The following RNF126 variants were observed in gnomAD, a reference collection of about 807,000 sequenced individuals.
RNF126 encodes ring finger protein 126.
A neutral mutation model predicts 41.9 loss-of-function variants in RNF126; 20 were observed. The observed-to-expected ratio is 0.48, with a 90% CI of 0.34 to 0.69. The LOEUF is 0.69. Among genes scored for constraint, RNF126 ranks in the 30% least tolerant of loss-of-function variants. The pLI is 0.01. For missense variants in RNF126, 433 were observed against 460.6 expected (o/e 0.94, Z 0.55); for synonymous variants, 239 against 202.9 (o/e 1.18, Z -1.51).
At chr19:649,023 C>A in intron 6 of RNF126, 48 bp from the exon 7 acceptor site, 1 of 989,910 alleles carries the variant, frequency 1.0e-6, no homozygotes. Context: ...GGGGCCCGGC[C>A]CGGGGCTCTG....
intron 1 of RNF126, among the ~76,000 whole-genome samples, chr19:660,399 GC>G (rs2030747712): frequency 6.6e-6 from 1 of 152,220 alleles, no homozygotes; most frequent in Admixed American, 6.5e-5. Flanking sequence ...CAGGCACACA[GC>G]CCATGGCAGC....
At position 659,231 on chromosome 19, in the gene RNF126, C is replaced by T. The variant is rs2030690411; in HGVS notation, c.75+3816G>A. Among the ~76,000 whole-genome samples the T allele has an allele frequency of 1.3e-5, 2 of 152,152 alleles. No individual in the cohort carries two copies. Among genetic ancestry groups the T allele is most frequent in the South Asian group, 4.1e-4 (2 of 4,830 alleles). On this transcript the variant is annotated intron_variant, in intron 1 of 8. Transcript: ENST00000292363. This position sits in a 1 kb window ranked among gnomAD's most constrained non-coding sequence, Gnocchi z 4.9. ...CAGGCCGTCTTCTGAAGACTCGGGC[C>T]AGGCCGCCGCAGGGACCAGGAGAAG...
intron 4 of RNF126, 188 bp from the exon 5 acceptor site, chr19:650,484 C>T: frequency 1.9e-6 from 1 of 517,396 alleles, no homozygotes; most frequent in Non-Finnish European, 3.4e-6. Flanking sequence ...GCAGCTTGAT[C>T]TTGGTTCACT....
Position 657,745 on chromosome 19 carries a change from G to A in RNF126, c.76-4861C>T, listed in dbSNP as rs561779048. ...GCTCTGGGCTGTCTCTCAGGCCCCC[G>A]GCCAGCCCCTCCAGGGCCACCGAAG... On this transcript the variant is annotated intron_variant, in intron 1 of 8. Coordinates refer to ENST00000292363, the MANE Select transcript of RNF126 (RefSeq NM_194460.3). 1.5e-3 allele frequency among the ~76,000 whole-genome samples: 233 copies of A among 152,280 alleles called. 1 individual carries two copies. Among genetic ancestry groups the A allele is most frequent in the Middle Eastern group, 6.8e-3 (2 of 294 alleles).
rs10408182 is a variant in RNF126, at chr19:659,907, G to T, written c.75+3140C>A. 0.022 allele frequency among the ~76,000 whole-genome samples: 3,299 copies of T among 152,190 alleles called. 128 individuals are homozygous for T. The highest frequency in any genetic ancestry group is 0.076 in the African/African-American group (3,142 of 41,516). On this transcript the variant is annotated intron_variant, in intron 1 of 8. Transcript: ENST00000292363. This position sits in a 1 kb window ranked among gnomAD's most constrained non-coding sequence, Gnocchi z 4.9. The stretch of plus-strand genomic sequence containing the variant: ...GCCTCCTAAGTCACTGGGACTACAG[G>T]TGCCTGCCACCACGCCTGGCCAATC...
At chr19:650,469 G>A in intron 4 of RNF126, 173 bp from the exon 5 acceptor site, 1 of 569,054 alleles carries the variant, frequency 1.8e-6, no homozygotes. Flanking sequence ...CGAGGCAGGA[G>A]AGAAGCAGCT....
chr19:662,223 G>A (rs1410513704), intron 1 of RNF126, among the ~76,000 whole-genome samples: 1 of 152,212 alleles, frequency 6.6e-6, no homozygotes, highest in South Asian at 2.1e-4. Context: ...CCTGGAAAAG[G>A]GGCCTGGAAA....
chr19:658,052 C>A (rs775666415), intron 1 of RNF126, among the ~76,000 whole-genome samples: 15 of 151,970 alleles, frequency 9.9e-5, no homozygotes, highest in Non-Finnish European at 1.9e-4. Flanking sequence ...CCATTGGAGC[C>A]TCTGGCCCTA....
intron 1 of RNF126, among the ~76,000 whole-genome samples, chr19:656,713 C>G (rs1357949195): frequency 1.3e-5 from 2 of 152,058 alleles, no homozygotes; most frequent in Non-Finnish European, 2.9e-5. Context: ...TGGCCCTGAG[C>G]TTAGTGTGGG....
chr19:655,739 A>C (rs1242073726), intron 1 of RNF126, among the ~76,000 whole-genome samples: 2 of 152,160 alleles, frequency 1.3e-5, no homozygotes, highest in Non-Finnish European at 2.9e-5. Flanking sequence ...CCAAATGTTC[A>C]CATGGCCAGA....
chr19:659,985 G>A lies in RNF126; in HGVS notation c.75+3062C>T, dbSNP rs750383995. Among the ~76,000 whole-genome samples, 4 of 152,136 alleles carry A rather than the reference G, an allele frequency of 2.6e-5. No homozygotes were observed. Among genetic ancestry groups the A allele is most frequent in the Non-Finnish European group, 5.9e-5 (4 of 68,026 alleles). ...TTACCATGTTAGCCAGGCTGGTCTCGAACTCCTGACCTCAGGTGATCCGTC... is the reference window on the plus strand; with the variant it reads ...TTACCATGTTAGCCAGGCTGGTCTCAAACTCCTGACCTCAGGTGATCCGTC... On this transcript the variant is annotated intron_variant, in intron 1 of 8. Transcript: ENST00000292363. This position sits in a 1 kb window ranked among gnomAD's most constrained non-coding sequence, Gnocchi z 4.9.
At chr19:655,460 C>T (rs2030520263) in intron 1 of RNF126, among the ~76,000 whole-genome samples, 2 of 151,378 alleles carry the variant, frequency 1.3e-5, no homozygotes, top group East Asian at 2.0e-4. Context: ...CACTCTAGCC[C>T]GGGCGACAGA....
At chr19:652,152 A>G (rs1387251734) in intron 3 of RNF126, 81 bp downstream of exon 3, 3 of 1,165,926 alleles carry the variant, frequency 2.6e-6, no homozygotes, top group South Asian at 1.6e-5. Flanking sequence ...AGAGCCGGGG[A>G]GGCGAGGTGG....
At chr19:650,050 C>T (rs1162767839) in intron 5 of RNF126, among the ~76,000 whole-genome samples, 184 bp downstream of exon 5, 1 of 147,466 alleles carries the variant, frequency 6.8e-6, no homozygotes, top group Non-Finnish European at 1.5e-5. Context: ...ACCCACTCAC[C>T]AGGGGCCCAG....
At position 649,707 on chromosome 19, in the gene RNF126, G is replaced by A. The variant is rs1473487665; in HGVS notation, c.548C>T (p.Ala183Val). The A allele has an allele frequency of 1.3e-6, 2 of 1,569,732 alleles. No homozygotes were observed. The highest frequency in any genetic ancestry group is 2.4e-5 in the East Asian group (1 of 42,102). ...TGTGATGATGGCATCCAGGCCGTTG[G>A]CCCCCCAGGCGTAGTCCATAGGGTT... ...HSNPMDYAWG[A>V]NGLDAIITQL... is the part of the protein sequence containing the mutation. Residue 183 changes from alanine (A) to valine (V), a missense_variant, in exon 6 of 9, where the codon GCC becomes GTC. Physicochemically the swap from Ala to Val is moderately conservative, Grantham distance 64 (BLOSUM62 0). Around this residue, in one of 5 missense-constraint regions of RNF126, gnomAD observed 97 missense variants for 121.7 expected, o/e 0.80. Transcript: ENST00000292363.
chr19:649,549 G>A, intron 6 of RNF126, 130 bp downstream of exon 6: 3 of 700,200 alleles, frequency 4.3e-6, no homozygotes, highest in East Asian at 2.8e-5. Context: ...GCCCGCCAGA[G>A]CGTGGAGGCT....
intron 1 of RNF126, among the ~76,000 whole-genome samples, chr19:662,159 T>C (rs75962760): frequency 0.012 from 1,798 of 152,052 alleles, 37 homozygotes; most frequent in African/African-American, 0.041. Flanking sequence ...TTCCTAAAAA[T>C]AATATTAGAA....
chr19:662,375 C>T (rs1347505828), intron 1 of RNF126, among the ~76,000 whole-genome samples: 1 of 152,202 alleles, frequency 6.6e-6, no homozygotes, highest in Non-Finnish European at 1.5e-5. Context: ...GCTGTAAACA[C>T]CTGGAGGAAG....
intron 2 of RNF126, chr19:652,609 T>C: frequency 3.3e-6 from 2 of 610,804 alleles, no homozygotes; most frequent in Non-Finnish European, 5.8e-6. Flanking sequence ...GGTGAGCGGC[T>C]GCACAGGTTG....
Sources: gnomAD v4.1 joint callset for allele counts (sites outside exome capture counted in the v4.1 genomes callset) on GRCh38, gnomAD v4.1.1 for gene constraint, gnomAD v4.1.1 regional missense constraint, Gnocchi (gnomAD v3.1) non-coding constraint, MANE v1.5 for transcripts, NCBI Gene and HGNC (gene_info 2026-07-23, HGNC 2026-07-21) for gene names.